The following STPG2 variants were observed in gnomAD, a reference collection of about 807,000 sequenced individuals.
The protein encoded by STPG2 is sperm tail PG-rich repeat containing 2, also known as sperm-tail PG-rich repeat-containing protein 2.
Under a neutral mutation model 54.2 loss-of-function variants are expected in STPG2, and 56 were observed. The ratio of observed to expected loss-of-function variants is 1.03; its 90% CI spans 0.83 to 1.29. The LOEUF is 1.29. STPG2 is among the 50% of genes most tolerant of loss of function. The pLI, the probability that STPG2 is intolerant of heterozygous loss-of-function variation, is 0.00. For synonymous variants in STPG2, 200 were observed against 181.8 expected (o/e 1.10, Z -0.81); for missense variants, 596 against 544.9 (o/e 1.09, Z -0.93).
chr4:97,796,520 G>A (rs768771771), intron 9 of STPG2, among the ~76,000 whole-genome samples: 1 of 152,210 alleles, frequency 6.6e-6, no homozygotes, highest in Non-Finnish European at 1.5e-5. Context: ...TAGATGTGTG[G>A]TATTATTTCT....
At chr4:97,731,480 C>T (rs750469675) in intron 9 of STPG2, among the ~76,000 whole-genome samples, 2 of 152,072 alleles carry the variant, frequency 1.3e-5, no homozygotes, top group Non-Finnish European at 2.9e-5. Flanking sequence ...GGTTGGGAAG[C>T]CTAGAGAGGA....
chr4:97,856,165 C>T (rs187349346), intron 8 of STPG2, among the ~76,000 whole-genome samples: 6 of 152,160 alleles, frequency 3.9e-5, no homozygotes, highest in African/African-American at 1.4e-4. Context: ...TTTTTGGTTC[C>T]GTATGAATTC....
Position 97,897,262 on chromosome 4 carries a change from T to C in STPG2, c.1044+46635A>G, listed in dbSNP as rs770473339. ...CTCATTCTTTTTTATAATTGCATAGTATTCCATGGTATATACGTACCCCAT... is the reference window on the plus strand; with the variant it reads ...CTCATTCTTTTTTATAATTGCATAGCATTCCATGGTATATACGTACCCCAT... On this transcript the variant is annotated intron_variant, in intron 8 of 10. Coordinates refer to ENST00000295268, the MANE Select transcript of STPG2 (RefSeq NM_174952.3). Among the ~76,000 whole-genome samples, 126 of 152,244 alleles carry C rather than the reference T, an allele frequency of 8.3e-4. 1 individual carries two copies. The highest frequency in any genetic ancestry group is 9.9e-4 in the Non-Finnish European group (67 of 67,952).
intron 8 of STPG2, among the ~76,000 whole-genome samples, chr4:97,885,558 A>T (rs905351756): frequency 6.6e-6 from 1 of 152,246 alleles, no homozygotes; most frequent in Non-Finnish European, 1.5e-5. Flanking sequence ...GATGAAGAAA[A>T]TAGCATAATA....
Position 98,020,268 on chromosome 4 carries a change from G to T in STPG2, c.613-38950C>A, listed in dbSNP as rs573053057. On this transcript the variant is annotated intron_variant, in intron 5 of 10. Coordinates refer to ENST00000295268, the MANE Select transcript of STPG2 (RefSeq NM_174952.3). Reference sequence around the variant, plus strand: ...GTCAAAGGCCTTTTCTGCATCTATTGAGATAATCATGTGGTTTTTGTCTTT... The same window carrying T: ...GTCAAAGGCCTTTTCTGCATCTATTTAGATAATCATGTGGTTTTTGTCTTT... 9.2e-4 allele frequency among the ~76,000 whole-genome samples: 121 copies of T among 131,414 alleles called. 4 individuals are homozygous for T. The highest frequency in any genetic ancestry group is 1.1e-3 in the Non-Finnish European group (63 of 59,666). The allele number at this position is 131,414 out of a possible 152,430, so 86.2% of individuals were successfully genotyped here. A position where few individuals can be genotyped will look rare whatever the true frequency, so the allele number is the denominator to read the frequency against.
At chr4:98,054,977 C>G (rs1357185549) in intron 5 of STPG2, among the ~76,000 whole-genome samples, 1 of 152,100 alleles carries the variant, frequency 6.6e-6, no homozygotes, top group Non-Finnish European at 1.5e-5. Flanking sequence ...GCTGTTAGCC[C>G]TTCACTCTCC....
intron 5 of STPG2, among the ~76,000 whole-genome samples, chr4:98,044,990 A>G (rs1967977): frequency 0.39 from 59,715 of 151,668 alleles, 11,970 homozygotes; most frequent in Middle Eastern, 0.47. Flanking sequence ...GAAAGCCTCC[A>G]GTACTAGCTG....
At chr4:97,790,849 A>G (rs1035888743) in intron 9 of STPG2, among the ~76,000 whole-genome samples, 3 of 152,164 alleles carry the variant, frequency 2.0e-5, no homozygotes, top group Non-Finnish European at 2.9e-5. Context: ...ACATCTGTAA[A>G]ACCCTTTGCC....
rs190029686 is a variant in STPG2, at chr4:98,032,085, G to A, written c.613-50767C>T. Among the ~76,000 whole-genome samples, 68 of 152,290 alleles carry A rather than the reference G, an allele frequency of 4.5e-4. No individual in the cohort carries two copies. In the East Asian group the frequency reaches 0.011, roughly 25 times the overall value. ...AAATAATAGATGTTAGCATGGATGT[G>A]GTGAACAGGGAATACTTCTACACTG... On this transcript the variant is annotated intron_variant, in intron 5 of 10. Transcript: ENST00000295268.
chr4:98,081,595 C>T (rs906339545), intron 5 of STPG2, among the ~76,000 whole-genome samples: 7 of 152,156 alleles, frequency 4.6e-5, no homozygotes, highest in African/African-American at 1.2e-4. Context: ...TCTGACATGG[C>T]ATCAGATTTT....
At chr4:98,008,818 C>G (rs969690101) in intron 5 of STPG2, among the ~76,000 whole-genome samples, 3 of 152,000 alleles carry the variant, frequency 2.0e-5, no homozygotes, top group African/African-American at 7.2e-5. Context: ...CTGTGTGCTG[C>G]TTACTCATTA....
intron 4 of STPG2, among the ~76,000 whole-genome samples, chr4:97,475,299 A>G (rs1730042982): frequency 6.6e-6 from 1 of 151,646 alleles, no homozygotes; most frequent in East Asian, 1.9e-4. Context: ...AATAATTTGA[A>G]TTTCTTATGT....
At chr4:97,742,606 CTTACCTTT>C (rs1725295652) in intron 9 of STPG2, among the ~76,000 whole-genome samples, 1 of 146,682 alleles carries the variant, frequency 6.8e-6, no homozygotes, top group South Asian at 2.2e-4. Context: ...TTAAAAAGAT[CTTACCTTT>C]TGCAACAACA....
chr4:97,844,174 A>G (rs1456059705), intron 8 of STPG2, among the ~76,000 whole-genome samples: 2 of 151,866 alleles, frequency 1.3e-5, no homozygotes, highest in Non-Finnish European at 2.9e-5. Flanking sequence ...AATTTCGTAT[A>G]CTCTCTGATC....
chr4:98,042,524 A>T (rs779863007), intron 5 of STPG2, among the ~76,000 whole-genome samples: 2 of 151,602 alleles, frequency 1.3e-5, no homozygotes, highest in Non-Finnish European at 1.5e-5. Flanking sequence ...TTGTGTCCCC[A>T]TTTTTATTCA....
chr4:97,500,526 T>G (rs1730701873), intron 4 of STPG2, among the ~76,000 whole-genome samples: 1 of 151,964 alleles, frequency 6.6e-6, no homozygotes, highest in Non-Finnish European at 1.5e-5. Flanking sequence ...CATTGAAAGC[T>G]CTCACCAAGG....
chr4:97,885,068 A>T (rs1730514360), intron 8 of STPG2, among the ~76,000 whole-genome samples: 1 of 152,212 alleles, frequency 6.6e-6, no homozygotes, highest in African/African-American at 2.4e-5. Context: ...GTTTGATTAA[A>T]AAAATAGCTA....
intron 9 of STPG2, among the ~76,000 whole-genome samples, chr4:97,736,099 G>C (rs1163333125): frequency 6.6e-6 from 1 of 152,178 alleles, no homozygotes; most frequent in Non-Finnish European, 1.5e-5. Context: ...TGGAAATGTA[G>C]ATTGGTACAG....
intron 7 of STPG2, among the ~76,000 whole-genome samples, chr4:97,961,107 C>T (rs1375293708): frequency 1.3e-5 from 2 of 148,276 alleles, no homozygotes; most frequent in South Asian, 2.1e-4. Context: ...AAAAAAAACA[C>T]CCTATTCAAC....
Sources: gnomAD v4.1 joint callset for allele counts (sites outside exome capture counted in the v4.1 genomes callset) on GRCh38, gnomAD v4.1.1 for gene constraint, MANE v1.5 for transcripts, NCBI Gene and HGNC (gene_info 2026-07-23, HGNC 2026-07-21) for gene names.